The following SORBS2 variants were observed in gnomAD, a reference collection of about 807,000 sequenced individuals.
SORBS2 encodes the protein sorbin and SH3 domain-containing protein 2.
Under a neutral mutation model 97.7 loss-of-function variants are expected in SORBS2, and 46 were observed. The ratio of observed to expected loss-of-function variants is 0.47; its 90% CI spans 0.37 to 0.60. The LOEUF is 0.60. Ranked by LOEUF, SORBS2 falls within the 20% of genes least tolerant of loss-of-function variation. SORBS2 has a pLI of 0.00. For synonymous variants in SORBS2, 476 were observed against 473.4 expected (o/e 1.01, Z -0.07); for missense variants, 1,316 against 1,282.3 (o/e 1.03, Z -0.40).
intron 2 of SORBS2, 139 bp from the exon 12 acceptor site, chr4:185,649,795 A>G (rs1280654581): frequency 9.0e-6 from 4 of 442,100 alleles, no homozygotes; most frequent in Non-Finnish European, 1.6e-5. Flanking sequence ...TAATGCATAC[A>G]TTAGAAGGTA....
At chr4:185,677,563 C>T (rs777776092) in intron 4 of SORBS2, 1 of 1,546,062 alleles carries the variant, frequency 6.5e-7, no homozygotes, top group African/African-American at 1.4e-5. Flanking sequence ...ACTAACTGGT[C>T]TAAAATGACA....
rs115919004 is a variant in SORBS2 at position 185,677,502 on chromosome 4, G to A, written c.-46+921C>T. ...ATTGGAATACATAGTTCCCTGAAGA[G>A]GTTTTTTGTTAGCAAAGTACTCTGT... On this transcript the variant is annotated intron_variant, in intron 4 of 20. Coordinates refer to the SORBS2 transcript ENST00000284776. 1,876 of 1,551,638 alleles carry A rather than the reference G, an allele frequency of 1.2e-3. 27 individuals carry two copies. The African/African-American group carries it at 0.023, about 19-fold the overall frequency.
intron 12 of SORBS2, among the ~76,000 whole-genome samples, chr4:185,601,861 C>A (rs2096269292): frequency 6.6e-6 from 1 of 152,132 alleles, no homozygotes; most frequent in African/African-American, 2.4e-5. Flanking sequence ...CTGGTGGGAC[C>A]ACAACCACTG....
intron 1 of SORBS2, among the ~76,000 whole-genome samples, chr4:185,873,329 A>T (rs2099231469): frequency 1.3e-5 from 2 of 152,196 alleles, no homozygotes; most frequent in East Asian, 3.8e-4. Flanking sequence ...GTTCTTAATG[A>T]TGCCCGCTTC....
chr4:185,737,737 A>C (rs2098697084), intron 2 of SORBS2, among the ~76,000 whole-genome samples: 1 of 152,220 alleles, frequency 6.6e-6, no homozygotes, highest in Non-Finnish European at 1.5e-5. Context: ...TTGACCATGC[A>C]AAACCTTCAC....
chr4:185,785,358 C>T (rs2099051410), intron 1 of SORBS2, among the ~76,000 whole-genome samples: 1 of 152,154 alleles, frequency 6.6e-6, no homozygotes, highest in African/African-American at 2.4e-5. Flanking sequence ...TAAAAATACA[C>T]AGGCAACATG....
chr4:185,696,523 T>C (rs2098177089), intron 2 of SORBS2, among the ~76,000 whole-genome samples: 1 of 152,154 alleles, frequency 6.6e-6, no homozygotes, highest in Non-Finnish European at 1.5e-5. Flanking sequence ...GATGCGATCT[T>C]GCCCACTGCA....
chr4:185,775,342 T>A (rs746977548), exon 2 of SORBS2: 1 of 152,510 alleles, frequency 6.6e-6, no homozygotes, highest in Non-Finnish European at 1.5e-5. Context: ...CTCCAGAGGT[T>A]TAAGATTAAG....
chr4:185,878,123 A>G (rs1164734537), intron 1 of SORBS2, among the ~76,000 whole-genome samples: 1 of 152,164 alleles, frequency 6.6e-6, no homozygotes, highest in East Asian at 1.9e-4. Flanking sequence ...ATTATCTCCT[A>G]TTGCTGTGAT....
intron 1 of SORBS2, among the ~76,000 whole-genome samples, chr4:185,857,490 T>A (rs892726779): frequency 6.6e-6 from 1 of 152,144 alleles, no homozygotes; most frequent in Non-Finnish European, 1.5e-5. Context: ...AAAACATGGG[T>A]GTTTGAACAA....
intron 1 of SORBS2, among the ~76,000 whole-genome samples, chr4:185,869,833 C>A (rs561352421): frequency 8.5e-5 from 13 of 152,310 alleles, no homozygotes; most frequent in African/African-American, 3.1e-4. Context: ...GCAAATTCCC[C>A]AGCTGCAAAA....
chr4:185,911,147 C>G (rs192106018), intron 1 of SORBS2, among the ~76,000 whole-genome samples: 1 of 152,170 alleles, frequency 6.6e-6, no homozygotes, highest in Non-Finnish European at 1.5e-5. Context: ...TTCTACTGAG[C>G]TACATTTCCT....
chr4:185,609,763 T>C (rs2096501967), intron 12 of SORBS2, among the ~76,000 whole-genome samples: 1 of 152,264 alleles, frequency 6.6e-6, no homozygotes, highest in Non-Finnish European at 1.5e-5. Context: ...TAATGAGTTC[T>C]CTGTTTGTAA....
intron 1 of SORBS2, among the ~76,000 whole-genome samples, chr4:185,846,545 T>C (rs993467763): frequency 1.3e-5 from 2 of 152,218 alleles, no homozygotes; most frequent in Non-Finnish European, 2.9e-5. Flanking sequence ...GTATATAAAT[T>C]ATACTTTCAT....
intron 2 of SORBS2, among the ~76,000 whole-genome samples, chr4:185,736,187 G>T (rs759133917): frequency 3.0e-4 from 46 of 152,232 alleles, no homozygotes; most frequent in Non-Finnish European, 6.6e-4. Context: ...AGTGCTTAGA[G>T]ACTGTCAATG....
chr4:185,678,478 G>T (rs1346150860), exon 4 of SORBS2: 2 of 1,550,984 alleles, frequency 1.3e-6, no homozygotes, highest in South Asian at 2.4e-5. Flanking sequence ...AAAACCTTTT[G>T]CTGCAAGAGA....
intron 11 of SORBS2, among the ~76,000 whole-genome samples, chr4:185,613,606 C>T (rs1181187134): frequency 7.9e-6 from 1 of 126,774 alleles, no homozygotes; most frequent in Non-Finnish European, 1.6e-5. Flanking sequence ...TGAGAGCACA[C>T]ATTGCACTCC....
At chr4:185,773,006 A>G (rs1286111530) in intron 2 of SORBS2, 1 of 152,102 alleles carries the variant, frequency 6.6e-6, no homozygotes, top group African/African-American at 2.4e-5. Flanking sequence ...TCACATTCAA[A>G]CAATCCAAAG....
chr4:185,953,425 T>G (rs1361021184), intron 1 of SORBS2, among the ~76,000 whole-genome samples: 1 of 152,218 alleles, frequency 6.6e-6, no homozygotes, highest in East Asian at 1.9e-4. Flanking sequence ...CCACCCTTCC[T>G]TTGGAAAAAT....
Sources: gnomAD v4.1 joint callset for allele counts (sites outside exome capture counted in the v4.1 genomes callset) on GRCh38, gnomAD v4.1.1 for gene constraint, MANE v1.5 for transcripts, NCBI Gene and HGNC (gene_info 2026-07-23, HGNC 2026-07-21) for gene names.